Variants in DNAAF9 observed in about 807,000 individuals in gnomAD.
The protein encoded by DNAAF9 is shulin.
DNAAF9 carries 90 observed loss-of-function variants against 167.0 expected under a neutral mutation model. That is an observed-to-expected ratio of 0.54 (90% CI 0.45 to 0.64). DNAAF9 has a LOEUF of 0.64. Ranked by LOEUF, DNAAF9 falls within the 30% of genes least tolerant of loss-of-function variation. The pLI, the probability that DNAAF9 is intolerant of heterozygous loss-of-function variation, is 0.00. For missense variants in DNAAF9, 1,315 were observed against 1,442.2 expected, an observed-to-expected ratio of 0.91 and a Z score of 1.43; for synonymous variants, 491 against 508.8, an observed-to-expected ratio of 0.96 and a Z score of 0.47.
At chr20:3,371,145 TG>T (rs1215141737) in intron 6 of DNAAF9, among the ~76,000 whole-genome samples, 1 of 152,046 alleles carries the variant, frequency 6.6e-6, no homozygotes, top group Non-Finnish European at 1.5e-5. Context: ...CTTTTTTTAA[TG>T]TAAGTTTTCA....
At chr20:3,344,936 A>G (rs188329057) in intron 8 of DNAAF9, among the ~76,000 whole-genome samples, 4 of 152,312 alleles carry the variant, frequency 2.6e-5, no homozygotes, top group African/African-American at 9.6e-5. Flanking sequence ...AGAATATTTT[A>G]GACATGTTCA....
At chr20:3,395,739 A>G (rs1568648695) in intron 1 of DNAAF9, among the ~76,000 whole-genome samples, 1 of 152,252 alleles carries the variant, frequency 6.6e-6, no homozygotes, top group East Asian at 1.9e-4. Flanking sequence ...CTCATTTTAT[A>G]TACCCTTGTG....
intron 1 of DNAAF9, among the ~76,000 whole-genome samples, chr20:3,402,173 C>T (rs1254222347): frequency 6.6e-6 from 1 of 152,154 alleles, no homozygotes; most frequent in Non-Finnish European, 1.5e-5. Flanking sequence ...AGAATCCTAG[C>T]ATTCCTGATC....
Position 3,316,791 on chromosome 20 carries a change from C to T in DNAAF9, c.1471G>A (p.Gly491Ser). 6.2e-7 allele frequency: 1 copy of T among 1,612,402 alleles called. No individual in the cohort carries two copies. ...TSQILVKEKD[G>S]TVTTETSSVV... ...GAGCTGGTTTCTGTGGTAACAGTGC[C>T]ATCTGCAGGAACACCACACACATGC... The change falls in exon 18 of 37, where the codon GGC (glycine) becomes AGC (serine). Residue 491 changes from glycine (G) to serine (S), a missense_variant and splice_region_variant. Around this residue, in one of 2 missense-constraint regions of DNAAF9, gnomAD observed 981 missense variants for 1,012.5 expected, o/e 0.97. Transcript: ENST00000252032.
chr20:3,336,920 G>A (rs1270423790), intron 10 of DNAAF9, among the ~76,000 whole-genome samples: 18 of 136,142 alleles, frequency 1.3e-4, no homozygotes, highest in Admixed American at 4.0e-4. Flanking sequence ...TCGCTCTGTC[G>A]CCCAGGCTGG....
intron 28 of DNAAF9, among the ~76,000 whole-genome samples, chr20:3,280,054 T>C (rs1365414041): frequency 6.6e-6 from 1 of 152,184 alleles, no homozygotes; most frequent in Non-Finnish European, 1.5e-5. Flanking sequence ...GCTGGGTGAA[T>C]ACCAGGTTGG....
At chr20:3,388,465 A>C (rs75466028) in intron 1 of DNAAF9, among the ~76,000 whole-genome samples, 4,398 of 152,344 alleles carry the variant, frequency 0.029, 97 homozygotes, top group Non-Finnish European at 0.045. Flanking sequence ...TCTAGGTATA[A>C]ATTCCAAAGA....
intron 30 of DNAAF9, among the ~76,000 whole-genome samples, chr20:3,266,651 G>C (rs2068495376): frequency 6.7e-6 from 1 of 150,106 alleles, no homozygotes; most frequent in African/African-American, 2.5e-5. Context: ...CTTATTTTTT[G>C]TATTTTTAGT....
Position 3,251,490 on chromosome 20 carries a change from A to C in DNAAF9, c.*1082T>G, listed in dbSNP as rs1278260911. ...AGGTCAGGCATGGGACACACTTGTA[A>C]TTCCCCTCTGCTTTATGGTCCAGCT... On this transcript the variant is annotated 3_prime_UTR_variant, in exon 37 of 37. Coordinates refer to ENST00000252032, the MANE Select transcript of DNAAF9 (RefSeq NM_001009984.3). The C allele has an allele frequency of 6.6e-6, 1 of 152,174 alleles. No homozygotes were observed. The highest frequency in any genetic ancestry group is 6.6e-5 in the Admixed American group (1 of 15,254). The allele number at this position is 152,174 out of a possible 1,614,324, so 9.4% of individuals were successfully genotyped here. A position where few individuals can be genotyped will look rare whatever the true frequency, so the allele number is the denominator to read the frequency against.
chr20:3,278,798 A>C (rs1600695232), intron 29 of DNAAF9, 114 bp downstream of exon 29: 2 of 835,722 alleles, frequency 2.4e-6, no homozygotes, highest in Non-Finnish European at 4.2e-6. Context: ...TTTTCTGACC[A>C]ATTTTGTTTG....
At chr20:3,311,567 C>T (rs1187845626) in intron 20 of DNAAF9, among the ~76,000 whole-genome samples, 2 of 152,066 alleles carry the variant, frequency 1.3e-5, no homozygotes, top group Non-Finnish European at 2.9e-5. Flanking sequence ...CTATAACTCA[C>T]ATGTCCACAA....
At chr20:3,347,368 T>C (rs1227052288) in intron 8 of DNAAF9, among the ~76,000 whole-genome samples, 2 of 152,042 alleles carry the variant, frequency 1.3e-5, no homozygotes, top group Non-Finnish European at 2.9e-5. Flanking sequence ...GAATTTATCA[T>C]CAGAAGATTA....
At chr20:3,364,953 T>C (rs1218485178) in intron 6 of DNAAF9, among the ~76,000 whole-genome samples, 8 of 151,146 alleles carry the variant, frequency 5.3e-5, no homozygotes, top group East Asian at 1.9e-4. Flanking sequence ...TTTTCTTTTT[T>C]TTTTTTTTGA....
At chr20:3,259,591 G>A (rs2068344852) in intron 32 of DNAAF9, 37 bp from the exon 33 acceptor site, 3 of 1,439,856 alleles carry the variant, frequency 2.1e-6, no homozygotes, top group Admixed American at 1.7e-5. Flanking sequence ...CACCCACATG[G>A]AGGCACAGGC....
At position 3,332,374 on chromosome 20, in the gene DNAAF9, AAAAAAT is replaced by A; in HGVS notation, c.982-19_982-14del. The A allele has an allele frequency of 1.3e-6, 2 of 1,494,010 alleles. No homozygotes were observed. The highest frequency in any genetic ancestry group is 2.3e-5 in the South Asian group (2 of 88,274). 92.5% of individuals were successfully genotyped at this position (1,494,010 alleles called of 1,614,324 possible). A position where few individuals can be genotyped will look rare whatever the true frequency, so the allele number is the denominator to read the frequency against. On this transcript the variant is annotated splice_polypyrimidine_tract_variant and intron_variant, in intron 10 of 36. Transcript: ENST00000252032. ...CACACTGGGCTACCTGGATGTCAGA[AAAAAAT>A]AAAAATAAAAAGGGGCAATAACTTA...
At chr20:3,257,448 G>A (rs953702833) in intron 33 of DNAAF9, among the ~76,000 whole-genome samples, 3 of 152,238 alleles carry the variant, frequency 2.0e-5, no homozygotes, top group African/African-American at 4.8e-5. Flanking sequence ...GGAGGTCAAG[G>A]ATGCAGTGAG....
chr20:3,308,863 T>C (rs1449378282), intron 20 of DNAAF9, among the ~76,000 whole-genome samples: 1 of 150,872 alleles, frequency 6.6e-6, no homozygotes, highest in Non-Finnish European at 1.5e-5. Flanking sequence ...CCCACATGAC[T>C]CCTCCTCCAT....
intron 16 of DNAAF9, among the ~76,000 whole-genome samples, chr20:3,320,216 T>C (rs1389264501): frequency 1.3e-5 from 2 of 152,200 alleles, no homozygotes; most frequent in Non-Finnish European, 2.9e-5. Context: ...GGTCATCATA[T>C]GACACATTAT....
At chr20:3,255,977 G>A in intron 34 of DNAAF9, 29 bp downstream of exon 34, 1 of 1,563,756 alleles carries the variant, frequency 6.4e-7, no homozygotes, top group Non-Finnish European at 8.8e-7. Flanking sequence ...TCACATCTGT[G>A]TCAGGTCTGT....
Sources: gnomAD v4.1 joint callset for allele counts (sites outside exome capture counted in the v4.1 genomes callset) on GRCh38, gnomAD v4.1.1 for gene constraint, gnomAD v4.1.1 regional missense constraint, MANE v1.5 for transcripts, NCBI Gene and HGNC (gene_info 2026-07-23, HGNC 2026-07-21) for gene names.